The following FGD2 variants were observed in gnomAD, a reference collection of about 807,000 sequenced individuals.
FGD2 encodes FYVE, RhoGEF and PH domain containing 2, also known as FYVE, RhoGEF and PH domain-containing protein 2.
In FGD2, 52 loss-of-function variants were observed where a neutral mutation model predicts 75.9. The ratio of observed to expected loss-of-function variants is 0.69; its 90% CI spans 0.55 to 0.86. The LOEUF (loss-of-function observed/expected upper bound fraction) is 0.86. Ranked by LOEUF, FGD2 falls within the 40% of genes least tolerant of loss-of-function variation. FGD2 has a pLI of 0.00. For missense variants in FGD2, 790 were observed against 872.0 expected (o/e 0.91, Z 1.18); for synonymous variants, 347 against 348.6 (o/e 1.00, Z 0.05).
At chr6:37,018,492 C>G (rs1381128947) in intron 9 of FGD2, among the ~76,000 whole-genome samples, 1 of 152,204 alleles carries the variant, frequency 6.6e-6, no homozygotes, top group Non-Finnish European at 1.5e-5. Flanking sequence ...ACTCCCTGGC[C>G]TCCTCCTTCC....
At position 37,009,032 on chromosome 6, in the gene FGD2, C is replaced by T; in HGVS notation, c.267C>T (p.Cys89=). Residue 89 remains cysteine, a synonymous_variant, in exon 2 of 16, where the codon TGC becomes TGT. Coordinates refer to ENST00000274963, the MANE Select transcript of FGD2 (RefSeq NM_173558.4). ...CCAGCGAAGCCTGGAGGAAATCTTG[C>T]CAGCCTGTGACCCTCTCAGGATCGG... ...KLSSEAWRKS[C]QPVTLSGSGT... 1 of 1,614,198 alleles carries T rather than the reference C, an allele frequency of 6.2e-7. No homozygotes were observed.
At chr6:37,011,074 C>T (rs747211106) in intron 3 of FGD2, 24 bp downstream of exon 3, 22 of 1,612,072 alleles carry the variant, frequency 1.4e-5, no homozygotes, top group Non-Finnish European at 1.8e-5. Context: ...ACACCCCCCT[C>T]TAGAGCCCCA....
chr6:37,027,791 C>T (rs910194670), intron 15 of FGD2, 157 bp from the exon 16 acceptor site: 1 of 1,023,942 alleles, frequency 9.8e-7, no homozygotes, highest in East Asian at 2.6e-5. Flanking sequence ...GCAGCCAGTT[C>T]TTCTGTCCTC....
intron 14 of FGD2, 175 bp downstream of exon 14, chr6:37,026,113 C>A (rs1411019106): frequency 1.0e-6 from 1 of 985,324 alleles, no homozygotes; most frequent in East Asian, 1.1e-4. Flanking sequence ...TCGCCACAGC[C>A]CAGGCAGTGT....
At chr6:37,027,600 C>T in intron 15 of FGD2, 25 bp downstream of exon 15, 1 of 1,612,968 alleles carries the variant, frequency 6.2e-7, no homozygotes, top group Non-Finnish European at 8.5e-7. Context: ...TGCCCGCCCC[C>T]CGTCAGGCCC....
At chr6:37,016,204 T>C (rs1234538003) in intron 9 of FGD2, among the ~76,000 whole-genome samples, 3 of 152,004 alleles carry the variant, frequency 2.0e-5, no homozygotes, top group African/African-American at 4.8e-5. Flanking sequence ...AATCAGGAGG[T>C]CTGGGTGGGG....
chr6:37,008,936 C>T lies in FGD2; in HGVS notation c.171C>T (p.Val57=), dbSNP rs141222263. The T allele has an allele frequency of 2.3e-4, 374 of 1,614,210 alleles. No individual in the cohort carries two copies. The African/African-American group carries it at 4.3e-3, about 18-fold the overall frequency. Residue 57 remains valine (V), a synonymous_variant, in exon 2 of 16, where the codon GTC becomes GTT. Transcript: ENST00000274963. ...ESPGPREKTN[V]GEAVGSEPRT... is the part of the protein sequence containing the mutation. Reference sequence around the variant, plus strand: ...CAGGACCACGGGAGAAGACGAATGTCGGGGAGGCCGTGGGGTCTGAGCCCA... The same window carrying T: ...CAGGACCACGGGAGAAGACGAATGTTGGGGAGGCCGTGGGGTCTGAGCCCA...
intron 9 of FGD2, among the ~76,000 whole-genome samples, chr6:37,017,983 C>T (rs529555290): frequency 3.3e-5 from 5 of 152,144 alleles, no homozygotes; most frequent in Non-Finnish European, 7.4e-5. Context: ...AGCTTTCCAT[C>T]CTGAAGGGGC....
intron 8 of FGD2, among the ~76,000 whole-genome samples, 181 bp downstream of exon 8, chr6:37,015,219 G>A (rs1765226778): frequency 6.6e-6 from 1 of 152,192 alleles, no homozygotes; most frequent in Non-Finnish European, 1.5e-5. Context: ...CTGCCTCTAA[G>A]CCTCAGAGAT....
chr6:37,024,259 G>A (rs953768395), intron 13 of FGD2: 1 of 152,194 alleles, frequency 6.6e-6, no homozygotes, highest in African/African-American at 2.4e-5. Context: ...AGAATCGCTT[G>A]AACCCAGGAG....
At chr6:37,021,145 T>C (rs1422077412) in intron 11 of FGD2, among the ~76,000 whole-genome samples, 2 of 152,094 alleles carry the variant, frequency 1.3e-5, no homozygotes, top group Non-Finnish European at 2.9e-5. Flanking sequence ...TCTGTGTTTG[T>C]GTGTGCGTGC....
rs761462484 is a variant in FGD2 at position 37,005,860 on chromosome 6, C to G, written c.43C>G (p.Leu15Val). 5.6e-6 allele frequency: 9 copies of G among 1,613,832 alleles called. No individual in the cohort carries two copies. The highest frequency in any genetic ancestry group is 5.9e-6 in the Non-Finnish European group (7 of 1,179,986). ...SEEKLASVSN[L>V]VTVFENSRTP... is the part of the protein sequence containing the mutation. Reference sequence around the variant, plus strand: ...GGAGAAGCTGGCATCTGTGTCCAACCTGGTCACTGTGTTTGAGAATAGCAG... The same window carrying G: ...GGAGAAGCTGGCATCTGTGTCCAACGTGGTCACTGTGTTTGAGAATAGCAG... The change falls in exon 1 of 16, where the codon CTG becomes GTG. Residue 15 changes from leucine to valine, a missense_variant. Physicochemically the swap from Leu to Val is conservative, Grantham distance 32 (BLOSUM62 1). Transcript: ENST00000274963.
intron 9 of FGD2, among the ~76,000 whole-genome samples, chr6:37,017,712 A>G (rs1444289241): frequency 6.6e-6 from 1 of 152,034 alleles, no homozygotes; most frequent in Non-Finnish European, 1.5e-5. Flanking sequence ...TACCCCCTTC[A>G]GCCCCAGAAG....
At chr6:37,020,410 A>G in intron 9 of FGD2, 131 bp from the exon 10 acceptor site, 4 of 853,596 alleles carry the variant, frequency 4.7e-6, no homozygotes, top group Non-Finnish European at 7.3e-6. Flanking sequence ...GGTGGCGAAC[A>G]AGCTCTGCAT....
chr6:37,008,873 C>A lies in FGD2; in HGVS notation c.108C>A (p.Asp36Glu), dbSNP rs34617818. Residue 36 changes from aspartate to glutamate, a missense_variant, in exon 2 of 16, where the codon GAC becomes GAA. Asp to Glu is a conservative substitution (Grantham distance 45, BLOSUM62 2). Transcript: ENST00000274963. The part of the protein sequence containing the change: ...EAAPRGQRLE[D>E]VHHRPECRPP... ...CACCCAGAGGCCAGAGGCTAGAGGA[C>A]GTGCATCACCGCCCTGAGTGCAGGC... is the stretch of plus-strand genomic sequence containing the variant. The A allele has an allele frequency of 1.8e-3, 2,856 of 1,612,232 alleles. 31 individuals carry two copies. In the African/African-American group the frequency reaches 0.025, roughly 14 times the overall value.
intron 9 of FGD2, among the ~76,000 whole-genome samples, chr6:37,018,932 G>GGATCA (rs1246113252): frequency 6.6e-6 from 1 of 152,216 alleles, no homozygotes; most frequent in African/African-American, 2.4e-5. Flanking sequence ...AAGTGGTTGA[G>GGATCA]GCTCAGCTCA....
intron 4 of FGD2, chr6:37,013,339 A>G: frequency 1.4e-6 from 1 of 690,946 alleles, no homozygotes; most frequent in Non-Finnish European, 2.1e-6. Flanking sequence ...AGCACTGAGC[A>G]GTTACTGAAC....
In FGD2 at chr6:37,015,857, G is replaced by T. The variant is rs778958713; in HGVS notation, c.1119G>T (p.Met373Ile). 17 of 1,575,814 alleles carry T rather than the reference G, an allele frequency of 1.1e-5. No homozygotes were observed. The African/African-American group carries it at 2.0e-4, about 19-fold the overall frequency. ...QVRTRIDVAG[M>I]KVRELMDAEF... ...GGACCCGCATCGATGTGGCCGGGAT[G>T]AAGGTAAGAGGCCCCCTAAACACCA... Residue 373 changes from methionine (M) to isoleucine (I), a missense_variant, in exon 9 of 16, where the codon ATG (methionine) becomes ATT (isoleucine). Met to Ile is a conservative substitution (Grantham distance 10, BLOSUM62 1). Coordinates refer to ENST00000274963, the MANE Select transcript of FGD2 (RefSeq NM_173558.4).
Position 37,028,615 on chromosome 6 carries a change from C to CTTT in FGD2, c.*467_*469dup, listed in dbSNP as rs386406733. On this transcript the variant is annotated 3_prime_UTR_variant, in exon 16 of 16. Transcript: ENST00000274963. ...GGCTGAGTTGGGGGAGGCATGGGGT[C>CTTT]TTTTTTTTTTTTTTTTTGAGACAGA... 72 of 79,006 alleles carry CTTT rather than the reference C, an allele frequency of 9.1e-4. 16 individuals carry two copies. Among genetic ancestry groups the CTTT allele is most frequent in the African/African-American group, 1.7e-3 (30 of 18,148 alleles). The allele number at this position is 79,006 out of a possible 1,614,324, so 4.9% of individuals were successfully genotyped here.
Sources: gnomAD v4.1 joint callset for allele counts (sites outside exome capture counted in the v4.1 genomes callset) on GRCh38, gnomAD v4.1.1 for gene constraint, MANE v1.5 for transcripts, NCBI Gene and HGNC (gene_info 2026-07-23, HGNC 2026-07-21) for gene names.